Variants in EFCAB11 observed in about 807,000 individuals in gnomAD.
EFCAB11 encodes EF-hand calcium binding domain 11.
EFCAB11 carries 14 observed loss-of-function variants against 23.0 expected under a neutral mutation model. That is an observed-to-expected ratio of 0.61 (90% CI 0.40 to 0.95). The LOEUF is 0.95. EFCAB11 is among the 40% of genes least tolerant of loss of function. The probability of loss-of-function intolerance (pLI) is 0.00; values close to 1 mark genes in which losing one functional copy is unlikely to be tolerated. For missense variants in EFCAB11, 198 were observed against 195.8 expected, an observed-to-expected ratio of 1.01 and a Z score of -0.07; for synonymous variants, 65 against 66.6, an observed-to-expected ratio of 0.98 and a Z score of 0.11.
chr14:89,856,083 T>C (rs552097077), intron 5 of EFCAB11, among the ~76,000 whole-genome samples: 1 of 152,338 alleles, frequency 6.6e-6, no homozygotes, highest in South Asian at 2.1e-4. Flanking sequence ...GCTGCAATTA[T>C]CGGCAGATAT....
rs1885556155 is a variant in EFCAB11, at chr14:89,795,721, GATA to G, written c.*1519_*1521del. On this transcript the variant is annotated 3_prime_UTR_variant, in exon 6 of 6. Transcript: ENST00000316738. ...AAGGTTATCTGCTAATAATTTGTAT[GATA>G]ATGACGCTTAATGTTTCCATATTAC... 2.0e-5 allele frequency: 3 copies of G among 152,106 alleles called. No homozygotes were observed. The South Asian group carries it at 6.2e-4, about 32-fold the overall frequency. 9.4% of individuals were successfully genotyped at this position (152,106 alleles called of 1,614,324 possible). A position where few individuals can be genotyped will look rare whatever the true frequency, so the allele number is the denominator to read the frequency against.
At chr14:89,954,554 G>A in intron 1 of EFCAB11, 32 bp downstream of exon 1, 4 of 1,610,960 alleles carry the variant, frequency 2.5e-6, no homozygotes, top group Non-Finnish European at 2.5e-6. Flanking sequence ...CCAAGCTGAA[G>A]TCCGAGGCTC....
chr14:89,815,274 ATGT>A (rs1207413444), intron 5 of EFCAB11, among the ~76,000 whole-genome samples: 1 of 152,188 alleles, frequency 6.6e-6, no homozygotes, highest in African/African-American at 2.4e-5. Context: ...TGTTTCAAAA[ATGT>A]TGTCATAAGT....
chr14:89,870,611 C>G (rs940883258), intron 5 of EFCAB11, among the ~76,000 whole-genome samples: 2 of 151,994 alleles, frequency 1.3e-5, no homozygotes. Flanking sequence ...AACTCACCCC[C>G]AATGTCAGAA....
At chr14:89,882,612 A>G (rs1318193920) in intron 5 of EFCAB11, among the ~76,000 whole-genome samples, 1 of 152,200 alleles carries the variant, frequency 6.6e-6, no homozygotes, top group African/African-American at 2.4e-5. Context: ...TTATATAAGC[A>G]ATGATGGGAA....
intron 3 of EFCAB11, among the ~76,000 whole-genome samples, chr14:89,945,862 A>G (rs1890960079): frequency 6.6e-6 from 1 of 150,546 alleles, no homozygotes; most frequent in African/African-American, 2.4e-5. Context: ...TTTTCTTTAC[A>G]GTTTTATTAG....
chr14:89,813,466 C>T (rs1379128624), intron 5 of EFCAB11, among the ~76,000 whole-genome samples: 3 of 152,082 alleles, frequency 2.0e-5, no homozygotes, highest in African/African-American at 7.2e-5. Context: ...GAATCAATAC[C>T]AAAATATTAA....
At chr14:89,946,085 A>AT (rs1457121232) in intron 3 of EFCAB11, among the ~76,000 whole-genome samples, 1 of 151,532 alleles carries the variant, frequency 6.6e-6, no homozygotes, top group Non-Finnish European at 1.5e-5. Flanking sequence ...TGTCCAGCTA[A>AT]TTTTTTTGTA....
In EFCAB11 at chr14:89,856,293, A is replaced by T. The variant is rs149261906; in HGVS notation, c.411-58969T>A. On this transcript the variant is annotated intron_variant, in intron 5 of 5. Coordinates refer to ENST00000316738, the MANE Select transcript of EFCAB11 (RefSeq NM_145231.4). ...ACCCTCTGCCTCCCAGGTTTGGGTG[A>T]TTATCCTGGCTTAGTCCCCCAAATA... Among the ~76,000 whole-genome samples, 479 of 150,116 alleles carry T rather than the reference A, an allele frequency of 3.2e-3. 4 individuals are homozygous for T. The highest frequency in any genetic ancestry group is 8.5e-3 in the Admixed American group (127 of 14,954).
intron 5 of EFCAB11, among the ~76,000 whole-genome samples, chr14:89,810,236 G>A (rs948253986): frequency 1.2e-4 from 19 of 152,180 alleles, no homozygotes; most frequent in African/African-American, 4.3e-4. Flanking sequence ...GAGTGGGAGA[G>A]TTTGGAGACG....
chr14:89,927,479 TGC>T (rs151254830), intron 5 of EFCAB11, among the ~76,000 whole-genome samples: 4,455 of 152,308 alleles, frequency 0.029, 93 homozygotes, highest in African/African-American at 0.062. Flanking sequence ...AACCCATACA[TGC>T]TAGTCAATTA....
chr14:89,948,864 T>G (rs1005028101), intron 3 of EFCAB11, among the ~76,000 whole-genome samples: 2 of 150,258 alleles, frequency 1.3e-5, no homozygotes, highest in African/African-American at 5.0e-5. Flanking sequence ...GGGAGAGTTA[T>G]GGATGGTTAA....
chr14:89,931,596 C>T lies in EFCAB11; in HGVS notation c.355G>A (p.Ala119Thr), dbSNP rs753682846. ...AATTTGGGAGCCACCTGCCTAAATG[C>T]TTTTTTGAAATCTTCCAAAGTTAAA... Reference protein sequence around the residue: ...GFLTLEDFKKAFRQVAPKLPE... With the variant: ...GFLTLEDFKKTFRQVAPKLPE... The change falls in exon 5 of 6, where the codon GCA (alanine) becomes ACA (threonine). Residue 119 changes from alanine to threonine, a missense_variant. By Grantham distance (58) the Ala-to-Thr change is moderately conservative (BLOSUM62 0). Transcript: ENST00000316738. 16 of 1,613,942 alleles carry T rather than the reference C, an allele frequency of 9.9e-6. No homozygotes were observed. In the Admixed American group the frequency reaches 1.8e-4, roughly 19 times the overall value.
intron 5 of EFCAB11, chr14:89,848,857 G>C (rs1887510728): frequency 6.6e-6 from 1 of 152,260 alleles, no homozygotes; most frequent in Non-Finnish European, 1.5e-5. Flanking sequence ...AACGCGGAAG[G>C]TGGGGGTTGC....
chr14:89,936,930 T>C (rs1890605750), intron 3 of EFCAB11, among the ~76,000 whole-genome samples: 1 of 152,176 alleles, frequency 6.6e-6, no homozygotes, highest in East Asian at 1.9e-4. Context: ...TGACATCAGA[T>C]TTCATACCCA....
At chr14:89,844,522 A>C (rs1164774609) in intron 5 of EFCAB11, among the ~76,000 whole-genome samples, 3 of 152,222 alleles carry the variant, frequency 2.0e-5, no homozygotes, top group East Asian at 3.8e-4. Context: ...TGCTGGGTGG[A>C]TGAATGAATA....
intron 5 of EFCAB11, among the ~76,000 whole-genome samples, chr14:89,910,517 G>A (rs1356087716): frequency 1.3e-5 from 2 of 152,048 alleles, no homozygotes; most frequent in African/African-American, 4.8e-5. Context: ...AGAATCACTC[G>A]AACCAGGAGG....
At chr14:89,887,703 C>G (rs147333407) in intron 5 of EFCAB11, among the ~76,000 whole-genome samples, 2 of 152,190 alleles carry the variant, frequency 1.3e-5, no homozygotes, top group Admixed American at 1.3e-4. Flanking sequence ...GAAAAGACAA[C>G]AGACTGTAAA....
At chr14:89,849,386 T>C (rs1170650352) in intron 5 of EFCAB11, among the ~76,000 whole-genome samples, 1 of 152,244 alleles carries the variant, frequency 6.6e-6, no homozygotes, top group East Asian at 1.9e-4. Context: ...GTCCAACAAT[T>C]GGCAGATTAT....
Sources: allele counts gnomAD v4.1 joint callset (sites outside exome capture counted in the v4.1 genomes callset), GRCh38; gene constraint gnomAD v4.1.1; transcripts MANE v1.5; gene names NCBI Gene and HGNC (gene_info 2026-07-23, HGNC 2026-07-21).